SPHKAP: variants seen among roughly 807,000 people sequenced by gnomAD.
The protein encoded by SPHKAP is A-kinase anchor protein SPHKAP.
SPHKAP carries 67 observed loss-of-function variants against 137.5 expected under a neutral mutation model. The ratio of observed to expected loss-of-function variants is 0.49; its 90% confidence interval spans 0.40 to 0.60. The LOEUF is 0.60. Among genes scored for constraint, SPHKAP ranks in the 20% least tolerant of loss-of-function variants. SPHKAP has a pLI of 0.00. For synonymous variants in SPHKAP, 813 were observed against 785.3 expected (o/e 1.04, Z -0.59); for missense variants, 2,097 against 2,069.3 (o/e 1.01, Z -0.26).
chr2:228,064,904 CT>C, intron 3 of SPHKAP, among the ~76,000 whole-genome samples: 1 of 152,316 alleles, frequency 6.6e-6, no homozygotes, highest in African/African-American at 2.4e-5. Flanking sequence ...ATCTTGACTG[CT>C]TATTATCAGG....
intron 7 of SPHKAP, 115 bp from the exon 8 acceptor site, chr2:227,995,809 G>C: frequency 7.5e-7 from 1 of 1,335,928 alleles, no homozygotes; most frequent in Non-Finnish European, 9.9e-7. Context: ...GACACAGGCA[G>C]AGTCTCCCTG....
chr2:228,160,553 A>G (rs909081679), intron 1 of SPHKAP, among the ~76,000 whole-genome samples: 5 of 152,192 alleles, frequency 3.3e-5, no homozygotes, highest in African/African-American at 4.8e-5. Flanking sequence ...CTCACTCACT[A>G]TCATGAGAAC....
intron 7 of SPHKAP, among the ~76,000 whole-genome samples, chr2:227,998,092 C>T (rs1026983620): frequency 1.3e-5 from 2 of 152,144 alleles, no homozygotes; most frequent in Non-Finnish European, 1.5e-5. Flanking sequence ...CTGCAACCTC[C>T]GTCTCCCAGA....
At chr2:227,991,454 G>C in intron 9 of SPHKAP, 128 bp from the exon 10 acceptor site, 1 of 1,549,568 alleles carries the variant, frequency 6.5e-7, no homozygotes, top group Non-Finnish European at 8.7e-7. Context: ...TGTTTTTGTA[G>C]AGTAGAGTAA....
At position 227,981,565 on chromosome 2, in the gene SPHKAP, T is replaced by C. The variant is rs1692994518; in HGVS notation, c.*152A>G. ...TATATTTTGCTTTTCCTCTGACTTATTCTGTATGCAGTGGATCTGAGTAGC... is the reference window on the plus strand; with the variant it reads ...TATATTTTGCTTTTCCTCTGACTTACTCTGTATGCAGTGGATCTGAGTAGC... On this transcript the variant is annotated 3_prime_UTR_variant, in exon 12 of 12. Coordinates refer to ENST00000392056, the MANE Select transcript of SPHKAP (RefSeq NM_001142644.2). The C allele has an allele frequency of 4.0e-6, 4 of 990,894 alleles. No homozygotes were observed. Among genetic ancestry groups the C allele is most frequent in the African/African-American group, 1.7e-5 (1 of 59,532 alleles). 61.4% of individuals were successfully genotyped at this position (990,894 alleles called of 1,614,324 possible). A position where few individuals can be genotyped will look rare whatever the true frequency, so the allele number is the denominator to read the frequency against.
intron 1 of SPHKAP, among the ~76,000 whole-genome samples, chr2:228,141,850 C>T (rs930720863): frequency 3.0e-4 from 45 of 152,140 alleles, no homozygotes; most frequent in African/African-American, 1.0e-3. Flanking sequence ...AGTGGTATTG[C>T]TAAAATGTTA....
chr2:228,146,294 C>A (rs74855824), intron 1 of SPHKAP, among the ~76,000 whole-genome samples: 487 of 152,284 alleles, frequency 3.2e-3, no homozygotes, highest in Middle Eastern at 3.4e-3. Flanking sequence ...CATTAGCGCT[C>A]ACTTTTGGCC....
At chr2:228,093,935 AGGATGGTAT>A (rs1000035795) in intron 3 of SPHKAP, among the ~76,000 whole-genome samples, 10 of 149,736 alleles carry the variant, frequency 6.7e-5, no homozygotes, top group Non-Finnish European at 1.3e-4. Context: ...AGGCCTAAGG[AGGATGGTAT>A]GCCTGGGAAG....
rs1214888137 is a variant in SPHKAP, at chr2:227,980,913, GAC to G, written c.*802_*803del. ...AAAGTTTGTATTTCATATTATTCAA[GAC>G]ACAAGCAGATTTTATCTGAAAAGAC... On this transcript the variant is annotated 3_prime_UTR_variant, in exon 12 of 12. Transcript: ENST00000392056. The G allele has an allele frequency of 2.6e-5, 4 of 152,114 alleles. No individual in the cohort carries two copies. The highest frequency in any genetic ancestry group is 4.4e-5 in the Non-Finnish European group (3 of 68,018). The allele number at this position is 152,114 out of a possible 1,614,324, so 9.4% of individuals were successfully genotyped here.
rs1291255746 is a variant in SPHKAP at position 228,133,326 on chromosome 2, T to C, written c.33-1241A>G. Among the ~76,000 whole-genome samples, 75 of 65,622 alleles carry C rather than the reference T, an allele frequency of 1.1e-3. 1 individual carries two copies. The highest frequency in any genetic ancestry group is 3.6e-3 in the African/African-American group (75 of 21,092). The allele number at this position is 65,622 out of a possible 152,430, so 43.1% of individuals were successfully genotyped here. ...CATCTCAAATAAATAAATAAATAAATAAATAAATAAATAAATAAATAAATT... is the reference window on the plus strand; with the variant it reads ...CATCTCAAATAAATAAATAAATAAACAAATAAATAAATAAATAAATAAATT... On this transcript the variant is annotated intron_variant, in intron 1 of 11. Transcript: ENST00000392056.
chr2:228,050,547 G>T (rs1395741562), intron 3 of SPHKAP, among the ~76,000 whole-genome samples: 4 of 152,084 alleles, frequency 2.6e-5, no homozygotes, highest in African/African-American at 9.7e-5. Flanking sequence ...TGTGTTTAGG[G>T]TACATGTGAT....
At chr2:228,027,972 A>C in intron 3 of SPHKAP, 2 of 974,186 alleles carry the variant, frequency 2.1e-6, no homozygotes, top group Non-Finnish European at 2.4e-6. Context: ...AAAAAAAAAA[A>C]AAAAGAAAAA....
At chr2:228,100,687 A>C (rs772026969) in intron 3 of SPHKAP, among the ~76,000 whole-genome samples, 27 of 152,226 alleles carry the variant, frequency 1.8e-4, no homozygotes, top group Non-Finnish European at 3.5e-4. Context: ...TCTTAAAATT[A>C]AAGCCTACTT....
At chr2:228,140,324 C>T (rs956247070) in intron 1 of SPHKAP, among the ~76,000 whole-genome samples, 7 of 151,566 alleles carry the variant, frequency 4.6e-5, no homozygotes, top group Admixed American at 2.0e-4. Context: ...TGTATATGAC[C>T]GCATTCTGCT....
Position 227,988,712 on chromosome 2 carries a change from A to G in SPHKAP, c.4959+2288T>C, listed in dbSNP as rs545197481. Among the ~76,000 whole-genome samples, 44 of 152,290 alleles carry G rather than the reference A, an allele frequency of 2.9e-4. No homozygotes were observed. The South Asian group carries it at 9.1e-3, about 32-fold the overall frequency. ...TCTTTCATTTTCCCATGAGCCTGGG[A>G]ATGTATTCCTGAGAATGTTTTTCCC... is the stretch of plus-strand genomic sequence containing the variant. On this transcript the variant is annotated intron_variant, in intron 11 of 11. Coordinates refer to ENST00000392056, the MANE Select transcript of SPHKAP (RefSeq NM_001142644.2).
intron 3 of SPHKAP, among the ~76,000 whole-genome samples, chr2:228,082,190 T>C (rs1047607389): frequency 7.9e-5 from 12 of 152,312 alleles, no homozygotes; most frequent in Admixed American, 3.3e-4. Flanking sequence ...TATGAAATCA[T>C]AAGATTTCAT....
At chr2:227,996,011 G>T in intron 7 of SPHKAP, 2 of 985,314 alleles carry the variant, frequency 2.0e-6, no homozygotes, top group Non-Finnish European at 2.4e-6. Flanking sequence ...TTAAAAAGAA[G>T]ATACACAAAG....
intron 1 of SPHKAP, among the ~76,000 whole-genome samples, chr2:228,155,698 C>T (rs915131728): frequency 7.2e-5 from 11 of 152,142 alleles, no homozygotes; most frequent in African/African-American, 2.2e-4. Flanking sequence ...AAAAAGTGAG[C>T]AAGTCCAACT....
At chr2:228,028,371 A>C (rs1248213164) in intron 3 of SPHKAP, among the ~76,000 whole-genome samples, 2 of 152,116 alleles carry the variant, frequency 1.3e-5, no homozygotes, top group Non-Finnish European at 2.9e-5. Context: ...TTGTTATACA[A>C]TTTGCCTCTT....
Sources: gnomAD v4.1 joint callset for allele counts (sites outside exome capture counted in the v4.1 genomes callset) on GRCh38, gnomAD v4.1.1 for gene constraint, MANE v1.5 for transcripts, NCBI Gene and HGNC (gene_info 2026-07-23, HGNC 2026-07-21) for gene names.